MAP3K13: variants seen among roughly 807,000 people sequenced by gnomAD.
MAP3K13 encodes mitogen-activated protein kinase kinase kinase 13.
Under a neutral mutation model 104.0 loss-of-function variants are expected in MAP3K13, and 52 were observed. The ratio of observed to expected loss-of-function variants is 0.50; its 90% confidence interval spans 0.40 to 0.63. MAP3K13 has a LOEUF of 0.63. Ranked by LOEUF, MAP3K13 falls within the 20% of genes least tolerant of loss-of-function variation. The pLI, the probability that MAP3K13 is intolerant of heterozygous loss-of-function variation, is 0.00. For missense variants in MAP3K13, 914 were observed against 1,218.5 expected, an observed-to-expected ratio of 0.75 and a Z score of 3.72; for synonymous variants, 394 against 442.2, an observed-to-expected ratio of 0.89 and a Z score of 1.37.
At chr3:185,361,209 G>A (rs1441645901), upstream of MAP3K13, among the ~76,000 whole-genome samples, 4 of 148,548 alleles carry the variant, frequency 2.7e-5, no homozygotes, top group Admixed American at 6.7e-5. Context: ...CACACAAATT[G>A]ATGTTTCTTG....
intron 1 of MAP3K13, among the ~76,000 whole-genome samples, chr3:185,283,739 C>G (rs760286233): frequency 6.6e-6 from 1 of 152,048 alleles, no homozygotes; most frequent in Non-Finnish European, 1.5e-5. Flanking sequence ...TTTACTTTGG[C>G]TTCTTTCAGG....
chr3:185,386,695 A>G (rs1021603790), intron 1 of MAP3K13, among the ~76,000 whole-genome samples: 5 of 152,374 alleles, frequency 3.3e-5, no homozygotes, highest in African/African-American at 4.8e-5. Flanking sequence ...TGTGGTACAT[A>G]TACACCGTGG....
chr3:185,285,817 C>G, intron 2 of MAP3K13, among the ~76,000 whole-genome samples: 1 of 152,058 alleles, frequency 6.6e-6, no homozygotes. Flanking sequence ...TCTTATTTTC[C>G]TGTAAAGTTG....
intron 2 of MAP3K13, among the ~76,000 whole-genome samples, chr3:185,433,468 G>T (rs1714860100): frequency 6.6e-6 from 1 of 151,966 alleles, no homozygotes; most frequent in Non-Finnish European, 1.5e-5. Flanking sequence ...TTAATTTTGT[G>T]CATCCTTATC....
intron 2 of MAP3K13, among the ~76,000 whole-genome samples, chr3:185,295,451 C>T (rs1023419953): frequency 1.3e-4 from 20 of 152,334 alleles, no homozygotes; most frequent in Non-Finnish European, 2.2e-4. Context: ...GATCCACCCA[C>T]CTGGGCCTCC....
At chr3:185,333,837 T>C (rs1431988518) in intron 2 of MAP3K13, among the ~76,000 whole-genome samples, 3 of 152,198 alleles carry the variant, frequency 2.0e-5, no homozygotes, top group Non-Finnish European at 4.4e-5. Flanking sequence ...ATGGATTGCC[T>C]GAGCTCAGGA....
chr3:185,474,232 A>C (rs1357392288), intron 11 of MAP3K13, among the ~76,000 whole-genome samples: 2 of 152,200 alleles, frequency 1.3e-5, no homozygotes, highest in Non-Finnish European at 1.5e-5. Flanking sequence ...AGACTGAGGC[A>C]TGAGAATTGC....
chr3:185,460,691 C>CT (rs749920860), intron 7 of MAP3K13, among the ~76,000 whole-genome samples: 16 of 152,180 alleles, frequency 1.1e-4, no homozygotes, highest in Non-Finnish European at 1.9e-4. Flanking sequence ...AATAGGATAC[C>CT]TTCGGGGGAA....
At chr3:185,435,031 T>G (rs181137217) in intron 2 of MAP3K13, among the ~76,000 whole-genome samples, 1 of 151,956 alleles carries the variant, frequency 6.6e-6, no homozygotes. Context: ...TGAGACAGAG[T>G]TTCGCTCTGT....
chr3:185,417,035 G>C (rs71320305), intron 1 of MAP3K13, among the ~76,000 whole-genome samples: 1 of 151,532 alleles, frequency 6.6e-6, no homozygotes, highest in Non-Finnish European at 1.5e-5. Context: ...ATGTATCTTA[G>C]GAGAGTCCTA....
chr3:185,284,852 G>A (rs977588226), intron 1 of MAP3K13, among the ~76,000 whole-genome samples: 20 of 151,964 alleles, frequency 1.3e-4, no homozygotes, highest in Non-Finnish European at 8.8e-5. Context: ...TTGTCAAATG[G>A]AAAAAAAGTG....
chr3:185,472,273 C>T (rs528530802), intron 10 of MAP3K13, among the ~76,000 whole-genome samples: 2 of 144,568 alleles, frequency 1.4e-5, no homozygotes, highest in East Asian at 4.1e-4. Flanking sequence ...AGTGTAGTGG[C>T]ACCATCTCGG....
chr3:185,485,094 T>C lies in MAP3K13; in HGVS notation c.*2638T>C, dbSNP rs1197184624. 2 of 152,200 alleles carry C rather than the reference T, an allele frequency of 1.3e-5. No individual in the cohort carries two copies. The highest frequency in any genetic ancestry group is 2.9e-5 in the Non-Finnish European group (2 of 68,048). The allele number at this position is 152,200 out of a possible 1,614,324, so 9.4% of individuals were successfully genotyped here. On this transcript the variant is annotated 3_prime_UTR_variant, in exon 14 of 14. Coordinates refer to ENST00000265026, the MANE Select transcript of MAP3K13 (RefSeq NM_004721.5). ...GACCCCCAGGATGTCAAATAGTGGA[T>C]GGACATATAGTTAAAAAGCTGTAAA...
chr3:185,479,198 G>T (rs977464703), intron 12 of MAP3K13, among the ~76,000 whole-genome samples: 1 of 152,190 alleles, frequency 6.6e-6, no homozygotes, highest in Non-Finnish European at 1.5e-5. Context: ...TCTGTTGAAG[G>T]TTGGTCAACA....
chr3:185,426,360 G>A (rs1028586393), intron 1 of MAP3K13, among the ~76,000 whole-genome samples: 2 of 152,196 alleles, frequency 1.3e-5, no homozygotes, highest in Non-Finnish European at 2.9e-5. Context: ...GATTACAGGC[G>A]TGAGCTACCA....
intron 1 of MAP3K13, among the ~76,000 whole-genome samples, chr3:185,414,147 A>T (rs1250738672): frequency 6.6e-6 from 1 of 152,146 alleles, no homozygotes; most frequent in Admixed American, 6.5e-5. Flanking sequence ...TCTGTGCCCC[A>T]ATTTTTCACC....
intron 1 of MAP3K13, among the ~76,000 whole-genome samples, chr3:185,381,746 A>G (rs889214368): frequency 6.6e-6 from 1 of 152,272 alleles, no homozygotes; most frequent in African/African-American, 2.4e-5. Context: ...GTTATTGTGC[A>G]GTTGGCCATG....
chr3:185,323,424 C>A (rs1032438810), intron 2 of MAP3K13, among the ~76,000 whole-genome samples: 2 of 151,496 alleles, frequency 1.3e-5, no homozygotes, highest in Non-Finnish European at 2.9e-5. Flanking sequence ...GCAACCTCCA[C>A]CTCCCGGGTT....
intron 12 of MAP3K13, among the ~76,000 whole-genome samples, chr3:185,478,486 C>A (rs1425617534): frequency 3.3e-5 from 5 of 152,126 alleles, no homozygotes; most frequent in Non-Finnish European, 5.9e-5. Flanking sequence ...TATTCCTGGA[C>A]TCTTTATGAC....
Sources: gnomAD v4.1 joint callset for allele counts (sites outside exome capture counted in the v4.1 genomes callset) on GRCh38, gnomAD v4.1.1 for gene constraint, MANE v1.5 for transcripts, NCBI Gene and HGNC (gene_info 2026-07-23, HGNC 2026-07-21) for gene names.